DAB2: variants seen among roughly 807,000 people sequenced by gnomAD.
The protein encoded by DAB2 is disabled homolog 2.
Under a neutral mutation model 71.6 loss-of-function variants are expected in DAB2, and 28 were observed. The observed-to-expected ratio is 0.39, with a 90% confidence interval of 0.29 to 0.54. The LOEUF (loss-of-function observed/expected upper bound fraction) is 0.54, where lower values mean the gene tolerates loss of function less well. DAB2 is among the 20% of genes least tolerant of loss of function. DAB2 has a pLI of 0.68. For synonymous variants in DAB2, 345 were observed against 339.7 expected (o/e 1.02, Z -0.17); for missense variants, 867 against 928.8 (o/e 0.93, Z 0.86).
chr5:39,422,364 A>G lies in DAB2; in HGVS notation c.-102+2440T>C, dbSNP rs1478698199. Among the ~76,000 whole-genome samples, 1 of 152,178 alleles carries G rather than the reference A, an allele frequency of 6.6e-6. No homozygotes were observed. The highest frequency in any genetic ancestry group is 1.5e-5 in the Non-Finnish European group (1 of 68,022). ...GAGGTATGTTCTGATGAGCATTAGG[A>G]CAACTTCAAACCCCAGGAGGGCTCA... is the stretch of plus-strand genomic sequence containing the variant. On this transcript the variant is annotated intron_variant, in intron 1 of 14. Transcript: ENST00000320816. This position sits in a 1 kb window ranked among gnomAD's most constrained non-coding sequence, Gnocchi z 4.1.
At chr5:39,394,081 A>G in intron 2 of DAB2, 149 bp downstream of exon 2, 1 of 646,148 alleles carries the variant, frequency 1.5e-6, no homozygotes, top group Non-Finnish European at 2.7e-6. Flanking sequence ...TCTTCTCCCA[A>G]GGTACAACTT....
chr5:39,413,014 G>A (rs988411877), intron 1 of DAB2, among the ~76,000 whole-genome samples: 1 of 152,118 alleles, frequency 6.6e-6, no homozygotes. Flanking sequence ...TAAAAGGTGG[G>A]TCAAACTGGA....
chr5:39,392,517 G>T, intron 3 of DAB2, 54 bp from the exon 4 acceptor site: 1 of 1,300,644 alleles, frequency 7.7e-7, no homozygotes, highest in Non-Finnish European at 1.1e-6. Flanking sequence ...ATCCTACAAT[G>T]GTTTTAATAT....
intron 13 of DAB2, 144 bp from the exon 14 acceptor site, chr5:39,375,228 T>C (rs1754797807): frequency 1.7e-6 from 1 of 601,100 alleles, no homozygotes; most frequent in African/African-American, 1.9e-5. Context: ...CTTACAGTGT[T>C]TTGTTTTCAT....
intron 1 of DAB2, among the ~76,000 whole-genome samples, chr5:39,407,481 G>A (rs1015268027): frequency 1.2e-4 from 18 of 152,170 alleles, no homozygotes; most frequent in South Asian, 6.2e-4. Context: ...GATTACAGGC[G>A]TGAGCCACCA....
chr5:39,393,157 C>T (rs1311894022), intron 3 of DAB2, 97 bp downstream of exon 3: 1 of 1,279,498 alleles, frequency 7.8e-7, no homozygotes, highest in Non-Finnish European at 1.1e-6. Flanking sequence ...AAGCAGTTTT[C>T]AAGTAATTGA....
At chr5:39,408,152 G>C (rs1322763075) in intron 1 of DAB2, among the ~76,000 whole-genome samples, 1 of 152,188 alleles carries the variant, frequency 6.6e-6, no homozygotes, top group Non-Finnish European at 1.5e-5. Context: ...GAAGGAAGAA[G>C]AATCCAGCTG....
chr5:39,399,902 C>T (rs1755456242), intron 1 of DAB2, among the ~76,000 whole-genome samples: 1 of 152,182 alleles, frequency 6.6e-6, no homozygotes, highest in African/African-American at 2.4e-5. Flanking sequence ...CTTATCCTTT[C>T]TACCAGTAGG....
At chr5:39,415,787 C>T (rs1037302755) in intron 1 of DAB2, among the ~76,000 whole-genome samples, 1 of 152,138 alleles carries the variant, frequency 6.6e-6, no homozygotes, top group African/African-American at 2.4e-5. Context: ...CAGATCCTAA[C>T]ACAGAACATG....
intron 1 of DAB2, among the ~76,000 whole-genome samples, chr5:39,424,063 C>A (rs534594227): frequency 1.4e-4 from 21 of 152,206 alleles, no homozygotes; most frequent in Non-Finnish European, 2.8e-4. Context: ...GGAAAGACAG[C>A]AGAAACAAAT....
chr5:39,382,564 C>G (rs372148752), intron 10 of DAB2, 54 bp downstream of exon 10: 2 of 1,522,102 alleles, frequency 1.3e-6, no homozygotes, highest in Non-Finnish European at 1.8e-6. Flanking sequence ...ATCACACCAC[C>G]CTTTGGTACC....
chr5:39,391,979 AAAAT>A (rs1463532615), intron 4 of DAB2, among the ~76,000 whole-genome samples: 8 of 143,756 alleles, frequency 5.6e-5, no homozygotes, highest in African/African-American at 2.0e-4. Context: ...AAAAAAAAAA[AAAAT>A]ATATATATAT....
At chr5:39,408,543 T>G (rs1385437160) in intron 1 of DAB2, 2 of 152,200 alleles carry the variant, frequency 1.3e-5, no homozygotes, top group Admixed American at 6.5e-5. Context: ...TGGCTATGAA[T>G]AGCTATGTTT....
intron 1 of DAB2, among the ~76,000 whole-genome samples, chr5:39,398,470 T>C (rs1047753027): frequency 5.3e-5 from 8 of 152,196 alleles, no homozygotes; most frequent in Admixed American, 2.6e-4. Flanking sequence ...CATTTGGGTA[T>C]GAGCAATTCC....
At position 39,376,634 on chromosome 5, in the gene DAB2, G is replaced by A; in HGVS notation, c.2137+16C>T. 6.2e-7 allele frequency: 1 copy of A among 1,611,260 alleles called. No homozygotes were observed. The highest frequency in any genetic ancestry group is 8.5e-7 in the Non-Finnish European group (1 of 1,178,592). ...GATAGTTGTTGGAACAGTAGGCAGAGTGGTGAGTGGCTTACCATTGATCTT... is the reference window on the plus strand; with the variant it reads ...GATAGTTGTTGGAACAGTAGGCAGAATGGTGAGTGGCTTACCATTGATCTT... On this transcript the variant is annotated intron_variant, in intron 12 of 14. Transcript: ENST00000320816.
intron 9 of DAB2, among the ~76,000 whole-genome samples, chr5:39,385,658 G>A (rs777328860): frequency 5.3e-5 from 8 of 152,152 alleles, no homozygotes; most frequent in African/African-American, 9.7e-5. Context: ...GAACCTGCTC[G>A]TAGGGAGCTC....
Position 39,407,005 on chromosome 5 carries a change from A to G in DAB2, c.-101-12584T>C, listed in dbSNP as rs1755622723. On this transcript the variant is annotated intron_variant, in intron 1 of 14. Coordinates refer to ENST00000320816, the MANE Select transcript of DAB2 (RefSeq NM_001343.4). ...TTGGCATCTAAATATACAATGTATT[A>G]TGCTTGATCCTGGCAGGAAAAGGTA... Among the ~76,000 whole-genome samples the G allele has an allele frequency of 5.3e-5, 8 of 152,216 alleles. No individual in the cohort carries two copies. The South Asian group carries it at 1.7e-3, about 31-fold the overall frequency.
chr5:39,398,063 C>T (rs1433085151), intron 1 of DAB2, among the ~76,000 whole-genome samples: 1 of 152,216 alleles, frequency 6.6e-6, no homozygotes, highest in Admixed American at 6.5e-5. Flanking sequence ...GCTTAAGAGT[C>T]TGTTGCCCAT....
At chr5:39,396,580 ATCTC>A (rs78322696) in intron 1 of DAB2, among the ~76,000 whole-genome samples, 10,534 of 152,104 alleles carry the variant, frequency 0.069, 551 homozygotes, top group African/African-American at 0.15. Flanking sequence ...CTATTTTCTT[ATCTC>A]TCTATCTTCT....
Sources: gnomAD v4.1 joint callset for allele counts (sites outside exome capture counted in the v4.1 genomes callset) on GRCh38, gnomAD v4.1.1 for gene constraint, Gnocchi (gnomAD v3.1) non-coding constraint, MANE v1.5 for transcripts, NCBI Gene and HGNC (gene_info 2026-07-23, HGNC 2026-07-21) for gene names.